The following SHISA9 variants were observed in gnomAD, a reference collection of about 807,000 sequenced individuals.
SHISA9 encodes the protein protein shisa-9.
In SHISA9, 13 loss-of-function variants were observed where a neutral mutation model predicts 38.0. The ratio of observed to expected loss-of-function variants is 0.34; its 90% CI spans 0.22 to 0.54. SHISA9 has a LOEUF of 0.54. Ranked by LOEUF, SHISA9 falls within the 20% of genes least tolerant of loss-of-function variation. The probability of loss-of-function intolerance (pLI) is 0.91; values close to 1 mark genes in which losing one functional copy is unlikely to be tolerated. For missense variants in SHISA9, 538 were observed against 575.8 expected (o/e 0.93, Z 0.67); for synonymous variants, 275 against 242.0 (o/e 1.14, Z -1.27).
At chr16:13,363,479 T>C in the SHISA9 span, among the ~76,000 whole-genome samples, 20 of 152,180 alleles carry the variant, frequency 1.3e-4, no homozygotes, top group Admixed American at 1.3e-3. Context: ...GTGGAGAGGA[T>C]GGTATTAGGA....
At chr16:13,330,588 G>A in the SHISA9 span, among the ~76,000 whole-genome samples, 16 of 152,104 alleles carry the variant, frequency 1.1e-4, no homozygotes, top group African/African-American at 3.1e-4. Flanking sequence ...ATACTTCCAC[G>A]CTCTTTTATT....
At chr16:13,068,455 T>C (rs2073459961) in intron 2 of SHISA9, among the ~76,000 whole-genome samples, 1 of 152,228 alleles carries the variant, frequency 6.6e-6, no homozygotes. Flanking sequence ...CTCCCTTCAC[T>C]AGGGGACATT....
the SHISA9 span, among the ~76,000 whole-genome samples, chr16:13,437,609 T>C: frequency 6.6e-6 from 1 of 152,146 alleles, no homozygotes; most frequent in African/African-American, 2.4e-5. Context: ...ACAACTCGGT[T>C]ACTGTGATTC....
chr16:13,160,624 G>A (rs887905006), intron 2 of SHISA9, among the ~76,000 whole-genome samples: 5 of 152,200 alleles, frequency 3.3e-5, no homozygotes, highest in East Asian at 3.8e-4. Flanking sequence ...AGTATGGTGC[G>A]TGAGAACCAA....
At chr16:13,302,330 A>G in the SHISA9 span, among the ~76,000 whole-genome samples, 1 of 152,194 alleles carries the variant, frequency 6.6e-6, no homozygotes, top group Non-Finnish European at 1.5e-5. Flanking sequence ...AGAAAGCTGG[A>G]CAGAACCTCA....
the SHISA9 span, among the ~76,000 whole-genome samples, chr16:13,419,774 A>G: frequency 6.6e-6 from 1 of 152,196 alleles, no homozygotes; most frequent in Non-Finnish European, 1.5e-5. Context: ...ATAAACAAAT[A>G]AGCATGGCTA....
chr16:12,915,996 TG>T (rs373157141), intron 1 of SHISA9, among the ~76,000 whole-genome samples: 1,105 of 80,104 alleles, frequency 0.014, 25 homozygotes, highest in African/African-American at 0.035. Flanking sequence ...GTTTTTTTTT[TG>T]TGTGTGTGTG....
chr16:13,280,464 T>C, the SHISA9 span, among the ~76,000 whole-genome samples: 6 of 151,786 alleles, frequency 4.0e-5, no homozygotes, highest in African/African-American at 1.2e-4. Context: ...ACTGCTTTCA[T>C]TGAATCTCAC....
At chr16:12,940,642 C>A (rs1733244124) in intron 2 of SHISA9, among the ~76,000 whole-genome samples, 1 of 152,142 alleles carries the variant, frequency 6.6e-6, no homozygotes, top group African/African-American at 2.4e-5. Context: ...CAAGATGCAC[C>A]CTTCTACAGA....
the SHISA9 span, among the ~76,000 whole-genome samples, chr16:13,494,244 A>C: frequency 6.6e-6 from 1 of 152,164 alleles, no homozygotes. Flanking sequence ...CACACTCAAA[A>C]CATAGCCAGC....
chr16:13,368,782 G>A, the SHISA9 span, among the ~76,000 whole-genome samples: 1 of 151,440 alleles, frequency 6.6e-6, no homozygotes, highest in African/African-American at 2.4e-5. Context: ...AAATATTAGA[G>A]CTACTAATAA....
chr16:13,149,938 A>C (rs911304976), intron 2 of SHISA9, among the ~76,000 whole-genome samples: 1 of 150,940 alleles, frequency 6.6e-6, no homozygotes, highest in African/African-American at 2.4e-5. Context: ...AAAAAGAAAA[A>C]AAAAAAGGAA....
chr16:13,454,735 A>G, the SHISA9 span, among the ~76,000 whole-genome samples: 1 of 152,190 alleles, frequency 6.6e-6, no homozygotes, highest in African/African-American at 2.4e-5. Flanking sequence ...ATCAATAGAA[A>G]TGGACAGAAG....
chr16:12,943,263 G>A lies in SHISA9; in HGVS notation c.691+26448G>A, dbSNP rs144559282. ...TCACAGGTTGAAGAGAATTATAATG[G>A]AACAGAGTATGGTGTGTGTGTGTGT... is the stretch of plus-strand genomic sequence containing the variant. On this transcript the variant is annotated intron_variant, in intron 2 of 4. Coordinates refer to ENST00000558583, the MANE Select transcript of SHISA9 (RefSeq NM_001145204.3). Among the ~76,000 whole-genome samples, 148 of 128,172 alleles carry A rather than the reference G, an allele frequency of 1.2e-3. 2 individuals carry two copies. In the South Asian group the frequency reaches 0.015, roughly 13 times the overall value. 84.1% of individuals were successfully genotyped at this position (128,172 alleles called of 152,430 possible). A position where few individuals can be genotyped will look rare whatever the true frequency, so the allele number is the denominator to read the frequency against.
At chr16:12,968,586 A>T (rs975376770) in intron 2 of SHISA9, among the ~76,000 whole-genome samples, 1 of 152,242 alleles carries the variant, frequency 6.6e-6, no homozygotes, top group African/African-American at 2.4e-5. Flanking sequence ...CATTTTTGAG[A>T]ATGAACAGCT....
At chr16:13,156,843 A>G (rs1240961544) in intron 2 of SHISA9, among the ~76,000 whole-genome samples, 3 of 152,136 alleles carry the variant, frequency 2.0e-5, no homozygotes. Context: ...ACTCCTAACT[A>G]TGGATACGTA....
At chr16:13,199,066 C>G (rs1399056004) in intron 2 of SHISA9, among the ~76,000 whole-genome samples, 1 of 152,172 alleles carries the variant, frequency 6.6e-6, no homozygotes, top group Non-Finnish European at 1.5e-5. Flanking sequence ...AGGAACATCT[C>G]TGTAGAATTA....
the SHISA9 span, among the ~76,000 whole-genome samples, chr16:13,362,824 C>T: frequency 5.6e-4 from 86 of 152,334 alleles, 1 homozygote; most frequent in African/African-American, 2.0e-3. Flanking sequence ...ATTTAGCTTT[C>T]TCTTTCATTG....
the SHISA9 span, among the ~76,000 whole-genome samples, chr16:13,537,531 T>G: frequency 6.6e-6 from 1 of 152,172 alleles, no homozygotes; most frequent in Admixed American, 6.6e-5. Context: ...ATGTAACTAC[T>G]TATTGTTGTA....
Sources: allele counts gnomAD v4.1 joint callset (sites outside exome capture counted in the v4.1 genomes callset), GRCh38; gene constraint gnomAD v4.1.1; transcripts MANE v1.5; gene names NCBI Gene and HGNC (gene_info 2026-07-23, HGNC 2026-07-21).